The following CERS6 variants were observed in gnomAD, a reference collection of about 807,000 sequenced individuals.
CERS6 encodes ceramide synthase 6.
Under a neutral mutation model 56.8 loss-of-function variants are expected in CERS6, and 26 were observed. That is an observed-to-expected ratio of 0.46 (90% CI 0.34 to 0.63). The LOEUF (loss-of-function observed/expected upper bound fraction) is 0.63. CERS6 is among the 30% of genes least tolerant of loss of function. The pLI is 0.01. For missense variants in CERS6, 415 were observed against 467.5 expected (o/e 0.89, Z 1.04); for synonymous variants, 164 against 173.3 (o/e 0.95, Z 0.42).
At chr2:168,620,495 A>G (rs903370345) in intron 3 of CERS6, among the ~76,000 whole-genome samples, 1 of 152,164 alleles carries the variant, frequency 6.6e-6, no homozygotes, top group East Asian at 1.9e-4. Context: ...ATTCCTGTTC[A>G]TGTTAATTTA....
chr2:168,710,756 A>G (rs189691657), intron 6 of CERS6, among the ~76,000 whole-genome samples: 104 of 152,340 alleles, frequency 6.8e-4, no homozygotes, highest in African/African-American at 2.5e-3. Flanking sequence ...AGACATCAGA[A>G]TTTCAGAAGT....
At chr2:168,675,887 A>G (rs984882042) in intron 4 of CERS6, among the ~76,000 whole-genome samples, 1 of 151,934 alleles carries the variant, frequency 6.6e-6, no homozygotes, top group Non-Finnish European at 1.5e-5. Flanking sequence ...GGGTTTCACC[A>G]TGTTGGCCAG....
Position 168,574,283 on chromosome 2 carries a change from C to T in CERS6, c.407+12961C>T, listed in dbSNP as rs551900297. Among the ~76,000 whole-genome samples the T allele has an allele frequency of 5.9e-5, 9 of 152,084 alleles. No homozygotes were observed. In the East Asian group the frequency reaches 1.4e-3, roughly 23 times the overall value. On this transcript the variant is annotated intron_variant, in intron 3 of 9. Transcript: ENST00000305747. ...ACATGAATCCTGGCTAAATCTTTGG[C>T]GTATTAAAACCCAAAAGCTTCTCTT...
intron 2 of CERS6, 132 bp from the exon 3 acceptor site, chr2:168,561,060 A>G: frequency 1.1e-6 from 1 of 880,770 alleles, no homozygotes; most frequent in Admixed American, 2.7e-5. Context: ...TCAGAGGTAA[A>G]TATAGAAATC....
chr2:168,741,669 A>G (rs1284833003), intron 8 of CERS6, among the ~76,000 whole-genome samples: 2 of 152,208 alleles, frequency 1.3e-5, no homozygotes, highest in African/African-American at 2.4e-5. Context: ...CATGCTGGTA[A>G]TGAGACCAGA....
Position 168,768,307 on chromosome 2 carries a change from G to A in CERS6, c.1003-1203G>A, listed in dbSNP as rs554557860. ...TGCAATGGCGCGATCTTGGCTCACC[G>A]CAACCTCCACTTCCTGGGCTCAAGC... On this transcript the variant is annotated intron_variant, in intron 9 of 9. Transcript: ENST00000305747. Among the ~76,000 whole-genome samples the A allele has an allele frequency of 3.4e-4, 51 of 151,256 alleles. No individual in the cohort carries two copies. The South Asian group carries it at 8.2e-3, about 24-fold the overall frequency.
chr2:168,680,352 C>T (rs1428853224), intron 4 of CERS6, among the ~76,000 whole-genome samples: 1 of 152,182 alleles, frequency 6.6e-6, no homozygotes, highest in Non-Finnish European at 1.5e-5. Flanking sequence ...GGCATTTGAA[C>T]TTTTTTCATC....
At chr2:168,490,960 T>G (rs1436998133) in intron 1 of CERS6, among the ~76,000 whole-genome samples, 1 of 152,202 alleles carries the variant, frequency 6.6e-6, no homozygotes, top group East Asian at 1.9e-4. Context: ...CTTTTCACTG[T>G]TTTGTGAGAT....
chr2:168,566,663 CA>C (rs1217286197), intron 3 of CERS6, among the ~76,000 whole-genome samples: 2 of 152,012 alleles, frequency 1.3e-5, no homozygotes, highest in African/African-American at 4.8e-5. Flanking sequence ...TAATTGATGA[CA>C]GGGGAAGGGA....
chr2:168,513,805 TC>T (rs973897239), intron 1 of CERS6, among the ~76,000 whole-genome samples: 1 of 152,158 alleles, frequency 6.6e-6, no homozygotes, highest in African/African-American at 2.4e-5. Flanking sequence ...CTCTCTGTTT[TC>T]CCTTTTATTG....
At chr2:168,602,025 C>T (rs757194002) in intron 3 of CERS6, among the ~76,000 whole-genome samples, 3 of 152,126 alleles carry the variant, frequency 2.0e-5, no homozygotes, top group Non-Finnish European at 4.4e-5. Context: ...TCATAAACAC[C>T]TTAAATGAAA....
chr2:168,534,985 C>T (rs1183194168), intron 1 of CERS6, among the ~76,000 whole-genome samples: 1 of 152,218 alleles, frequency 6.6e-6, no homozygotes, highest in Non-Finnish European at 1.5e-5. Flanking sequence ...CCTGAGGAGG[C>T]ACTCTGGCTG....
At chr2:168,712,097 C>G (rs1465972348) in intron 6 of CERS6, among the ~76,000 whole-genome samples, 1 of 152,076 alleles carries the variant, frequency 6.6e-6, no homozygotes, top group African/African-American at 2.4e-5. Context: ...AATCAGGAAC[C>G]AGGGCAGGAG....
intron 6 of CERS6, among the ~76,000 whole-genome samples, chr2:168,713,429 C>G (rs1441080856): frequency 6.6e-6 from 1 of 152,018 alleles, no homozygotes; most frequent in Non-Finnish European, 1.5e-5. Flanking sequence ...ATTTAAGTCT[C>G]AAAGAAATTC....
rs1558955264 is a variant in CERS6, at chr2:168,456,312, A to C, written c.-137A>C. ...CCTTCGAGAGCAGCGGCCGCGGAGG[A>C]GGCGGCGGCGGCGGGCGGGAGCAGC... On this transcript the variant is annotated 5_prime_UTR_variant, in exon 1 of 10. Coordinates refer to ENST00000305747, the MANE Select transcript of CERS6 (RefSeq NM_203463.3). This position sits in a 1 kb window ranked among gnomAD's most constrained non-coding sequence, Gnocchi z 4.1. 3.7e-5 allele frequency: 13 copies of C among 347,256 alleles called. No individual in the cohort carries two copies. Among genetic ancestry groups the C allele is most frequent in the South Asian group, 1.1e-4 (1 of 8,850 alleles). The allele number at this position is 347,256 out of a possible 1,614,324, so 21.5% of individuals were successfully genotyped here.
chr2:168,486,568 A>G (rs1694280441), intron 1 of CERS6, among the ~76,000 whole-genome samples: 1 of 144,126 alleles, frequency 6.9e-6, no homozygotes, highest in Non-Finnish European at 1.5e-5. Flanking sequence ...TTCCGGAACC[A>G]TTTGTTGAAA....
chr2:168,622,863 A>G (rs1684505930), intron 3 of CERS6, among the ~76,000 whole-genome samples: 1 of 152,342 alleles, frequency 6.6e-6, no homozygotes, highest in East Asian at 1.9e-4. Flanking sequence ...TCCCCTAGCT[A>G]TCATATTTCT....
intron 6 of CERS6, among the ~76,000 whole-genome samples, chr2:168,714,005 A>C (rs1300104686): frequency 6.6e-6 from 1 of 152,134 alleles, no homozygotes; most frequent in African/African-American, 2.4e-5. Flanking sequence ...ACAGAAATTG[A>C]TTTCTTATAG....
At chr2:168,731,546 A>G (rs935278624) in intron 8 of CERS6, among the ~76,000 whole-genome samples, 1 of 152,114 alleles carries the variant, frequency 6.6e-6, no homozygotes, top group Non-Finnish European at 1.5e-5. Context: ...AAGGGAAAAC[A>G]TCATCATACA....
Sources: allele counts gnomAD v4.1 joint callset (sites outside exome capture counted in the v4.1 genomes callset), GRCh38; gene constraint gnomAD v4.1.1; non-coding constraint Gnocchi (gnomAD v3.1); transcripts MANE v1.5; gene names NCBI Gene and HGNC (gene_info 2026-07-23, HGNC 2026-07-21).